Variants in SLAMF1 observed in about 807,000 individuals in gnomAD.
SLAMF1 encodes signaling lymphocytic activation molecule.
SLAMF1 carries 18 observed loss-of-function variants against 35.1 expected under a neutral mutation model. The ratio of observed to expected loss-of-function variants is 0.51; its 90% CI spans 0.35 to 0.76. The LOEUF is 0.76. SLAMF1 is among the 30% of genes least tolerant of loss of function. The pLI, the probability that SLAMF1 is intolerant of heterozygous loss-of-function variation, is 0.01. For missense variants in SLAMF1, 392 were observed against 413.0 expected, an observed-to-expected ratio of 0.95 and a Z score of 0.44; for synonymous variants, 168 against 157.2, an observed-to-expected ratio of 1.07 and a Z score of -0.51.
intron 4 of SLAMF1, among the ~76,000 whole-genome samples, chr1:160,621,855 C>CATGTGT (rs1553239726): frequency 6.9e-6 from 1 of 145,210 alleles, no homozygotes; most frequent in Non-Finnish European, 1.5e-5. Context: ...TGCGTGAGTG[C>CATGTGT]GTGTGTGTGT....
At chr1:160,614,498 A>G (rs1337487275) in intron 5 of SLAMF1, among the ~76,000 whole-genome samples, 5 of 151,418 alleles carry the variant, frequency 3.3e-5, no homozygotes, top group Admixed American at 6.6e-5. Context: ...CCCTTGAACC[A>G]GGGAGCTGGA....
intron 4 of SLAMF1, among the ~76,000 whole-genome samples, chr1:160,620,913 T>C (rs1276915814): frequency 1.3e-5 from 2 of 152,250 alleles, no homozygotes; most frequent in East Asian, 3.8e-4. Flanking sequence ...CACATGTGGC[T>C]AGTGACTACC....
chr1:160,626,290 C>T (rs1558008050), intron 3 of SLAMF1, among the ~76,000 whole-genome samples: 1 of 152,190 alleles, frequency 6.6e-6, no homozygotes, highest in Non-Finnish European at 1.5e-5. Flanking sequence ...GGTTGCTCTG[C>T]TGCCCACCAA....
chr1:160,613,442 A>C (rs1345539063), intron 5 of SLAMF1, among the ~76,000 whole-genome samples: 2 of 152,230 alleles, frequency 1.3e-5, no homozygotes, highest in Non-Finnish European at 2.9e-5. Flanking sequence ...GTTACTTTGA[A>C]CGAATTAAAA....
At chr1:160,626,287 C>T (rs959832168) in intron 3 of SLAMF1, among the ~76,000 whole-genome samples, 11 of 152,224 alleles carry the variant, frequency 7.2e-5, no homozygotes, top group African/African-American at 2.7e-4. Flanking sequence ...GCCGGTTGCT[C>T]TGCTGCCCAC....
intron 3 of SLAMF1, among the ~76,000 whole-genome samples, chr1:160,625,835 G>C (rs1474275584): frequency 1.5e-5 from 2 of 129,458 alleles, no homozygotes; most frequent in Non-Finnish European, 3.3e-5. Flanking sequence ...GTGTGTGTGT[G>C]TGTGTGTGTG....
chr1:160,637,076 A>T, intron 2 of SLAMF1, 115 bp downstream of exon 2: 1 of 689,576 alleles, frequency 1.5e-6, no homozygotes, highest in Non-Finnish European at 2.5e-6. Context: ...AAACTAGAAG[A>T]TCATTCTAGT....
rs139479444 is a variant in SLAMF1, at chr1:160,637,528, A to G, written c.78T>C (p.Gly26=). Residue 26 remains glycine, a splice_region_variant and synonymous_variant, in exon 2 of 7, where the codon GGT becomes GGC. Coordinates refer to ENST00000302035, the MANE Select transcript of SLAMF1 (RefSeq NM_003037.5). ...SLAFGASYGT[G]GRMMNCPKIL... ...TCTTTGGGCAGTTCATCATGCGCCC[A>G]CCTGTGGGAGGGAGGAGAAGAGAGT... 969 of 1,606,766 alleles carry G rather than the reference A, an allele frequency of 6.0e-4. 1 individual carries two copies. Among genetic ancestry groups the G allele is most frequent in the Non-Finnish European group, 6.6e-4 (775 of 1,178,740 alleles).
rs1276368890 is a variant in SLAMF1 at position 160,610,675 on chromosome 1, C to A, written c.*73G>T. Reference sequence around the variant, plus strand: ...CATGTCTGCCAGAGGAAACTTGGGGCCTGTGGCCAAGTTCAGTGTTCATTT... The same window carrying A: ...CATGTCTGCCAGAGGAAACTTGGGGACTGTGGCCAAGTTCAGTGTTCATTT... On this transcript the variant is annotated 3_prime_UTR_variant, in exon 7 of 7. Transcript: ENST00000302035. 9.1e-7 allele frequency: 1 copy of A among 1,099,438 alleles called. No homozygotes were observed. The highest frequency in any genetic ancestry group is 1.4e-6 in the Non-Finnish European group (1 of 713,458). The allele number at this position is 1,099,438 out of a possible 1,614,324, so 68.1% of individuals were successfully genotyped here.
At chr1:160,626,978 T>C (rs1421435701) in intron 3 of SLAMF1, among the ~76,000 whole-genome samples, 2 of 152,210 alleles carry the variant, frequency 1.3e-5, no homozygotes, top group Non-Finnish European at 2.9e-5. Context: ...TCCCTGTCCC[T>C]TGGACTCCTG....
rs1660796005 is a variant in SLAMF1, at chr1:160,642,372, C to T, written c.76+4498G>A. Among the ~76,000 whole-genome samples, 1 of 152,176 alleles carries T rather than the reference C, an allele frequency of 6.6e-6. No homozygotes were observed. Among genetic ancestry groups the T allele is most frequent in the African/African-American group, 2.4e-5 (1 of 41,440 alleles). ...TTTGACATCTCTTTCATAGGGAAGACTTTCCTGACTCCTGACTTAGGTTGG... is the reference window on the plus strand; with the variant it reads ...TTTGACATCTCTTTCATAGGGAAGATTTTCCTGACTCCTGACTTAGGTTGG... On this transcript the variant is annotated intron_variant, in intron 1 of 6. Coordinates refer to ENST00000302035, the MANE Select transcript of SLAMF1 (RefSeq NM_003037.5). This position sits in a 1 kb window ranked among gnomAD's most constrained non-coding sequence, Gnocchi z 4.2.
In SLAMF1 at chr1:160,610,127, CT is replaced by C. The variant is rs1389508777; in HGVS notation, c.*620del. 2.6e-5 allele frequency: 9 copies of C among 340,642 alleles called. No homozygotes were observed. The highest frequency in any genetic ancestry group is 2.4e-4 in the Admixed American group (6 of 25,258). The allele number at this position is 340,642 out of a possible 1,614,324, so 21.1% of individuals were successfully genotyped here. ...CAAAATCATTCTTTCTGTTTATTGACTTTTTAGCTTCTGGGTTTTGCAAATA... is the reference window on the plus strand; with the variant it reads ...CAAAATCATTCTTTCTGTTTATTGACTTTTAGCTTCTGGGTTTTGCAAATA... On this transcript the variant is annotated 3_prime_UTR_variant, in exon 7 of 7. Coordinates refer to ENST00000302035, the MANE Select transcript of SLAMF1 (RefSeq NM_003037.5).
At chr1:160,636,368 A>G (rs1660456639) in intron 2 of SLAMF1, among the ~76,000 whole-genome samples, 1 of 152,208 alleles carries the variant, frequency 6.6e-6, no homozygotes, top group South Asian at 2.1e-4. Flanking sequence ...TTTCAAAGAA[A>G]TGCTGGTTAG....
chr1:160,610,905 G>T, intron 6 of SLAMF1, 107 bp from the exon 7 acceptor site: 1 of 882,646 alleles, frequency 1.1e-6, no homozygotes. Flanking sequence ...TAGAGATCAT[G>T]GCTTGTGCAG....
At chr1:160,643,759 T>A (rs1660883007) in intron 1 of SLAMF1, among the ~76,000 whole-genome samples, 1 of 152,228 alleles carries the variant, frequency 6.6e-6, no homozygotes, top group Non-Finnish European at 1.5e-5. Flanking sequence ...TTCTTTATGC[T>A]AAGAACATTT....
At chr1:160,624,055 C>T (rs201265399) in intron 4 of SLAMF1, 41 bp downstream of exon 4, 1 of 1,413,174 alleles carries the variant, frequency 7.1e-7, no homozygotes, top group South Asian at 1.2e-5. Context: ...CTGCTTACCA[C>T]AGAGAGTGTG....
chr1:160,611,242 A>T (rs1658967889), intron 6 of SLAMF1, among the ~76,000 whole-genome samples: 1 of 152,218 alleles, frequency 6.6e-6, no homozygotes, highest in South Asian at 2.1e-4. Context: ...AGGGGAGAAG[A>T]GGGTTATGCG....
intron 3 of SLAMF1, among the ~76,000 whole-genome samples, chr1:160,626,680 A>G (rs905828849): frequency 1.3e-5 from 2 of 152,128 alleles, no homozygotes; most frequent in African/African-American, 4.8e-5. Flanking sequence ...GGAACTGCAG[A>G]TTTTGTGGTT....
chr1:160,611,277 C>T (rs945969358), intron 6 of SLAMF1, among the ~76,000 whole-genome samples: 21 of 152,224 alleles, frequency 1.4e-4, no homozygotes, highest in Middle Eastern at 3.4e-3. Flanking sequence ...GTCAAAGAAA[C>T]AAAGAAAATA....
Sources: allele counts gnomAD v4.1 joint callset (sites outside exome capture counted in the v4.1 genomes callset), GRCh38; gene constraint gnomAD v4.1.1; non-coding constraint Gnocchi (gnomAD v3.1); transcripts MANE v1.5; gene names NCBI Gene and HGNC (gene_info 2026-07-23, HGNC 2026-07-21).